Variants in SH3BGRL2 observed in about 807,000 individuals in gnomAD.
SH3BGRL2 encodes SH3 domain binding glutamate rich protein like 2, also known as SH3 domain-binding glutamic acid-rich-like protein 2.
Under a neutral mutation model 14.8 loss-of-function variants are expected in SH3BGRL2, and 21 were observed. The ratio of observed to expected loss-of-function variants is 1.42; its 90% confidence interval spans 1.01 to 2.05. The LOEUF (loss-of-function observed/expected upper bound fraction) is 2.05. SH3BGRL2 is among the 30% of genes most tolerant of loss of function. The pLI, the probability that SH3BGRL2 is intolerant of heterozygous loss-of-function variation, is 0.00. For synonymous variants in SH3BGRL2, 50 were observed against 47.8 expected (o/e 1.05, Z -0.19); for missense variants, 147 against 130.8 (o/e 1.12, Z -0.61).
the SH3BGRL2 span, among the ~76,000 whole-genome samples, chr6:79,577,275 G>A: frequency 2.0e-5 from 3 of 152,222 alleles, no homozygotes; most frequent in East Asian, 3.9e-4. Context: ...GTTTACTGCA[G>A]CCTTATAGTA....
chr6:79,608,261 A>G, the SH3BGRL2 span, among the ~76,000 whole-genome samples: 1 of 152,174 alleles, frequency 6.6e-6, no homozygotes, highest in Non-Finnish European at 1.5e-5. Flanking sequence ...GCTAAACCAT[A>G]TCAGCACCCT....
At chr6:79,540,665 A>G in the SH3BGRL2 span, among the ~76,000 whole-genome samples, 1 of 152,122 alleles carries the variant, frequency 6.6e-6, no homozygotes, top group Non-Finnish European at 1.5e-5. Flanking sequence ...AAAACTTGAG[A>G]TGTTTGTAAA....
chr6:79,675,922 G>A (rs572392510), intron 2 of SH3BGRL2, among the ~76,000 whole-genome samples: 4 of 151,506 alleles, frequency 2.6e-5, no homozygotes, highest in South Asian at 2.1e-4. Flanking sequence ...GTTCATCCTC[G>A]TCTTTTGTTC....
At chr6:79,562,132 T>C in the SH3BGRL2 span, among the ~76,000 whole-genome samples, 1 of 152,180 alleles carries the variant, frequency 6.6e-6, no homozygotes, top group Admixed American at 6.5e-5. Context: ...TACTAGAGTT[T>C]CTGTACCTTC....
the SH3BGRL2 span, chr6:79,573,950 T>C: frequency 6.6e-6 from 1 of 152,218 alleles, no homozygotes; most frequent in Non-Finnish European, 1.5e-5. Flanking sequence ...CCTCTTGAAT[T>C]CTCTAATTAC....
the SH3BGRL2 span, chr6:79,552,907 CATCATGCTAAACAGTGCTTCAG>C: frequency 1.3e-5 from 2 of 152,100 alleles, no homozygotes; most frequent in Non-Finnish European, 2.9e-5. Context: ...AGATGGTTCT[CATCATGCTAAACAGTGCTTCAG>C]ATTGCAGTTA....
intron 1 of SH3BGRL2, among the ~76,000 whole-genome samples, chr6:79,658,084 C>G (rs1769460966): frequency 6.6e-6 from 1 of 152,138 alleles, no homozygotes; most frequent in South Asian, 2.1e-4. Flanking sequence ...GAACAGTAGA[C>G]TGTAAATTCT....
intron 2 of SH3BGRL2, among the ~76,000 whole-genome samples, chr6:79,692,358 T>G (rs993197989): frequency 2.6e-4 from 39 of 152,222 alleles, no homozygotes; most frequent in African/African-American, 8.7e-4. Flanking sequence ...CTCTTTAGTT[T>G]AATTAGATCC....
chr6:79,545,596 C>T, the SH3BGRL2 span, among the ~76,000 whole-genome samples: 18 of 152,098 alleles, frequency 1.2e-4, no homozygotes, highest in Admixed American at 3.9e-4. Context: ...TAAAAGATGT[C>T]GTTTACAATT....
the SH3BGRL2 span, among the ~76,000 whole-genome samples, chr6:79,581,977 C>T: frequency 6.6e-6 from 1 of 152,240 alleles, no homozygotes; most frequent in South Asian, 2.1e-4. Context: ...CACAAGCAAT[C>T]CTATACACCA....
rs556279358 is a variant in SH3BGRL2 at position 79,700,052 on chromosome 6, A to G, written c.*543A>G. 6.6e-6 allele frequency: 1 copy of G among 152,546 alleles called. No homozygotes were observed. The highest frequency in any genetic ancestry group is 1.5e-5 in the Non-Finnish European group (1 of 68,308). 9.4% of individuals were successfully genotyped at this position (152,546 alleles called of 1,614,324 possible). On this transcript the variant is annotated 3_prime_UTR_variant, in exon 4 of 4. Transcript: ENST00000369838. ...GCTTTGTAATAACACCTGGTGAAAA[A>G]GTTAGATATTCTAGACTTGTTTTAG...
chr6:79,660,177 T>TTGAATCGG (rs1227929918), intron 1 of SH3BGRL2, among the ~76,000 whole-genome samples: 2 of 152,232 alleles, frequency 1.3e-5, no homozygotes, highest in Non-Finnish European at 2.9e-5. Context: ...CAACACTGTG[T>TTGAATCGG]TGAATCGGAG....
chr6:79,683,473 T>G (rs1193286916), intron 2 of SH3BGRL2, among the ~76,000 whole-genome samples: 17 of 152,078 alleles, frequency 1.1e-4, no homozygotes. Context: ...CTTTTTTTTT[T>G]TTTGAGATGG....
the SH3BGRL2 span, among the ~76,000 whole-genome samples, chr6:79,602,357 G>A: frequency 6.6e-6 from 1 of 152,082 alleles, no homozygotes; most frequent in African/African-American, 2.4e-5. Context: ...TCCCTGAGGG[G>A]GTGACATTCT....
At chr6:79,675,644 G>A (rs962681605) in intron 2 of SH3BGRL2, among the ~76,000 whole-genome samples, 10 of 150,904 alleles carry the variant, frequency 6.6e-5, no homozygotes, top group African/African-American at 2.2e-4. Context: ...TTTTTCTAAT[G>A]TCCACCTATT....
chr6:79,579,658 AT>A, the SH3BGRL2 span, among the ~76,000 whole-genome samples: 1 of 152,212 alleles, frequency 6.6e-6, no homozygotes, highest in South Asian at 2.1e-4. Context: ...AGCACTAAAC[AT>A]GGAAAGGAAC....
At chr6:79,597,899 T>TA in the SH3BGRL2 span, among the ~76,000 whole-genome samples, 2 of 152,206 alleles carry the variant, frequency 1.3e-5, no homozygotes, top group Non-Finnish European at 2.9e-5. Context: ...TACAAACTCT[T>TA]ACTATTTGAC....
the SH3BGRL2 span, among the ~76,000 whole-genome samples, chr6:79,604,247 A>G: frequency 6.6e-6 from 1 of 152,228 alleles, no homozygotes; most frequent in East Asian, 1.9e-4. Context: ...AGGTTAATTC[A>G]ACTTTCCCAC....
intron 1 of SH3BGRL2, among the ~76,000 whole-genome samples, chr6:79,643,681 C>G (rs975462950): frequency 6.6e-6 from 1 of 152,228 alleles, no homozygotes; most frequent in Non-Finnish European, 1.5e-5. Context: ...TTACCCTGCC[C>G]CCTCACAGAA....
Sources: allele counts gnomAD v4.1 joint callset (sites outside exome capture counted in the v4.1 genomes callset), GRCh38; gene constraint gnomAD v4.1.1; transcripts MANE v1.5; gene names NCBI Gene and HGNC (gene_info 2026-07-23, HGNC 2026-07-21).